The following SLX4 variants were observed in gnomAD, a reference collection of about 807,000 sequenced individuals.
SLX4 encodes SLX4 structure-specific endonuclease subunit.
Under a neutral mutation model 146.2 loss-of-function variants are expected in SLX4, and 112 were observed. The observed-to-expected ratio is 0.77, with a 90% CI of 0.66 to 0.90. SLX4 has a LOEUF of 0.90. SLX4 is among the 40% of genes least tolerant of loss of function. The pLI, the probability that SLX4 is intolerant of heterozygous loss-of-function variation, is 0.00. For missense variants in SLX4, 2,563 were observed against 2,392.7 expected, an observed-to-expected ratio of 1.07 and a Z score of -1.49; for synonymous variants, 1,061 against 997.7, an observed-to-expected ratio of 1.06 and a Z score of -1.20.
intron 4 of SLX4, chr16:3,601,522 C>T (rs2040727291): frequency 1.3e-5 from 5 of 397,280 alleles, no homozygotes; most frequent in South Asian, 1.1e-4. Context: ...GCTCTATCCA[C>T]AATCCCAAAG....
At position 3,583,325 on chromosome 16, in the gene SLX4, T is replaced by C. The variant is rs1193552186; in HGVS notation, c.4925A>G (p.His1642Arg). The C allele has an allele frequency of 1.2e-6, 2 of 1,613,936 alleles. No individual in the cohort carries two copies. Among genetic ancestry groups the C allele is most frequent in the Admixed American group, 1.7e-5 (1 of 59,976 alleles). ...QTYKPSRAGVHAQQEATTGPG... is the reference protein window; with the variant it reads ...QTYKPSRAGVRAQQEATTGPG... ...TCCTGTGGTGGCCTCCTGCTGGGCA[T>C]GGACCCCTGCCCTTGAAGGCTTGTA... is the stretch of plus-strand genomic sequence containing the variant. The change falls in exon 14 of 15, where the codon CAT (histidine) becomes CGT (arginine). Residue 1642 changes from histidine to arginine, a missense_variant. His to Arg is a conservative substitution (Grantham distance 29). Coordinates refer to ENST00000294008, the MANE Select transcript of SLX4 (RefSeq NM_032444.4).
At position 3,606,693 on chromosome 16, in the gene SLX4, C is replaced by T. The variant is rs768655551; in HGVS notation, c.541G>A (p.Val181Met). 3.7e-6 allele frequency: 6 copies of T among 1,614,138 alleles called. No individual in the cohort carries two copies. The highest frequency in any genetic ancestry group is 4.2e-6 in the Non-Finnish European group (5 of 1,180,036). ...GGAGGCTGGGAGTCGCTGTTGGGCA[C>T]ATTCTCTGGCAAGGAGGAAAATATT... ...NLSREKTREN[V>M]PNSDSQPPPS... The change falls in exon 3 of 15, where the codon GTG becomes ATG. Residue 181 changes from valine to methionine, a missense_variant. By Grantham distance (21) the Val-to-Met change is conservative. Transcript: ENST00000294008.
chr16:3,595,524 C>T (rs2040641348), intron 9 of SLX4, 81 bp downstream of exon 9: 2 of 1,504,982 alleles, frequency 1.3e-6, no homozygotes, highest in Admixed American at 1.7e-5. Flanking sequence ...GGGCCAGAGG[C>T]CAGCGGTGAG....
chr16:3,605,500 G>A (rs1197550659), intron 3 of SLX4, among the ~76,000 whole-genome samples: 1 of 151,620 alleles, frequency 6.6e-6, no homozygotes, highest in Non-Finnish European at 1.5e-5. Context: ...TGGGATTATA[G>A]GCATGAGCCA....
chr16:3,599,286 G>A (rs748862597), intron 5 of SLX4, among the ~76,000 whole-genome samples: 9 of 152,134 alleles, frequency 5.9e-5, no homozygotes, highest in South Asian at 4.1e-4. Context: ...AGCAGGGGGC[G>A]GGACAAACAG....
At chr16:3,599,822 G>A (rs1201324844) in intron 5 of SLX4, among the ~76,000 whole-genome samples, 1 of 152,174 alleles carries the variant, frequency 6.6e-6, no homozygotes. Flanking sequence ...CTGGGCTCAA[G>A]TGATCCTTCC....
At chr16:3,601,747 T>G (rs1567175795) in intron 4 of SLX4, 1 of 327,780 alleles carries the variant, frequency 3.1e-6, no homozygotes, top group East Asian at 7.8e-5. Context: ...CTGTGCAATT[T>G]CAGAATCGGC....
chr16:3,595,567 GC>G, intron 9 of SLX4, 37 bp downstream of exon 9: 1 of 1,609,648 alleles, frequency 6.2e-7, no homozygotes, highest in Non-Finnish European at 8.5e-7. Context: ...AAGTGGGATG[GC>G]CGGGACCAGA....
intron 12 of SLX4, 130 bp from the exon 13 acceptor site, chr16:3,585,001 C>CT: frequency 1.3e-6 from 1 of 754,854 alleles, no homozygotes; most frequent in Non-Finnish European, 2.4e-6. Flanking sequence ...TCCATGAAAG[C>CT]AACAGTGGTC....
chr16:3,608,388 C>A, intron 2 of SLX4, 42 bp downstream of exon 2: 1 of 1,610,894 alleles, frequency 6.2e-7, no homozygotes, highest in Middle Eastern at 1.7e-4. Context: ...TGGCCCTTTC[C>A]AGGAAGTTTT....
chr16:3,609,871 G>A (rs1430698791), intron 1 of SLX4, among the ~76,000 whole-genome samples: 1 of 152,206 alleles, frequency 6.6e-6, no homozygotes, highest in Non-Finnish European at 1.5e-5. Context: ...CACAGAAACA[G>A]GATGATCCCC....
chr16:3,589,001 C>T lies in SLX4; in HGVS notation c.4636+1G>A. Reference sequence around the variant, plus strand: ...CTTCCCCAGCTCTCCTGGCTACTCACTGGGTGTCTCTAACCCTTCGGGCTT... The same window carrying T: ...CTTCCCCAGCTCTCCTGGCTACTCATTGGGTGTCTCTAACCCTTCGGGCTT... On this transcript the variant is annotated splice_donor_variant, in intron 12 of 14. Coordinates refer to ENST00000294008, the MANE Select transcript of SLX4 (RefSeq NM_032444.4). LOFTEE classifies it high-confidence loss of function. The surrounding 1 kb of genome is among the most constrained non-coding windows in gnomAD (Gnocchi z 6.2). 1 of 1,614,054 alleles carries T rather than the reference C, an allele frequency of 6.2e-7. No individual in the cohort carries two copies. The highest frequency in any genetic ancestry group is 8.5e-7 in the Non-Finnish European group (1 of 1,180,036).
chr16:3,597,854 C>T lies in SLX4; in HGVS notation c.1309G>A (p.Ala437Thr), dbSNP rs1467615374. ...LSRSEMEPGA[A>T]VPALRLESAF... is the part of the protein sequence containing the mutation. ...CTTTCCAGCCTGAGCGCTGGTACAG[C>T]CGCACCCGGCTCCATCTCCGACCGG... Residue 437 changes from alanine to threonine, a missense_variant, in exon 6 of 15, where the codon GCT (alanine) becomes ACT (threonine). Coordinates refer to ENST00000294008, the MANE Select transcript of SLX4 (RefSeq NM_032444.4). This position sits in a 1 kb window ranked among gnomAD's most constrained non-coding sequence, Gnocchi z 4.4. 3 of 1,614,136 alleles carry T rather than the reference C, an allele frequency of 1.9e-6. No homozygotes were observed. Among genetic ancestry groups the T allele is most frequent in the Non-Finnish European group, 2.5e-6 (3 of 1,180,028 alleles).
intron 12 of SLX4, among the ~76,000 whole-genome samples, chr16:3,585,576 ACT>A (rs1207936131): frequency 8.2e-6 from 1 of 122,238 alleles, no homozygotes; most frequent in African/African-American, 3.5e-5. Context: ...ACAGAGCAAG[ACT>A]CTGTCTCAAA....
Position 3,602,129 on chromosome 16 carries a change from C to A in SLX4, c.939G>T (p.Gln313His). The A allele has an allele frequency of 6.2e-7, 1 of 1,614,172 alleles. No homozygotes were observed. Among genetic ancestry groups the A allele is most frequent in the South Asian group, 1.1e-5 (1 of 91,074 alleles). The change falls in exon 4 of 15, where the codon CAG (glutamine) becomes CAT (histidine). Residue 313 changes from glutamine to histidine, a missense_variant. Coordinates refer to ENST00000294008, the MANE Select transcript of SLX4 (RefSeq NM_032444.4). ...LSAMNVTRRE[Q>H]HVNRCLDEAE... ...CAAGCTGCCCCCACCTGTTCACATG[C>A]TGTTCCCTTCGGGTCACGTTCATGG...
Position 3,583,453 on chromosome 16 carries a change from G to T in SLX4, c.4797C>A (p.Phe1599Leu). The T allele has an allele frequency of 6.2e-7, 1 of 1,614,174 alleles. No homozygotes were observed. Among genetic ancestry groups the T allele is most frequent in the Non-Finnish European group, 8.5e-7 (1 of 1,180,048 alleles). Reference sequence around the variant, plus strand: ...AGTCCAGGGTCTGGTGAGTGTACTGGAATATCTCCTTCAGCTTCAGAACCA... The same window carrying T: ...AGTCCAGGGTCTGGTGAGTGTACTGTAATATCTCCTTCAGCTTCAGAACCA... ...RQMVLKLKEIFQYTHQTLDSD... is the reference protein window; with the variant it reads ...RQMVLKLKEILQYTHQTLDSD... The change falls in exon 14 of 15, where the codon TTC (phenylalanine) becomes TTA (leucine). Residue 1599 changes from phenylalanine (F) to leucine (L), a missense_variant. Coordinates refer to ENST00000294008, the MANE Select transcript of SLX4 (RefSeq NM_032444.4).
chr16:3,603,840 C>T (rs577142718), intron 3 of SLX4, among the ~76,000 whole-genome samples: 46 of 152,228 alleles, frequency 3.0e-4, no homozygotes, highest in Admixed American at 2.7e-3. Context: ...AGTGGGGCAA[C>T]CCAATGGTTA....
Position 3,606,689 on chromosome 16 carries a change from G to A in SLX4, c.545C>T (p.Pro182Leu). Residue 182 changes from proline to leucine, a missense_variant, in exon 3 of 15, where the codon CCC (proline) becomes CTC (leucine). Physicochemically the swap from Pro to Leu is moderately conservative, Grantham distance 98. Coordinates refer to ENST00000294008, the MANE Select transcript of SLX4 (RefSeq NM_032444.4). ...LSREKTRENV[P>L]NSDSQPPPSC... is the part of the protein sequence containing the mutation. ...AGGAGGAGGCTGGGAGTCGCTGTTG[G>A]GCACATTCTCTGGCAAGGAGGAAAA... 1 of 1,614,040 alleles carries A rather than the reference G, an allele frequency of 6.2e-7. No individual in the cohort carries two copies. The highest frequency in any genetic ancestry group is 1.3e-5 in the African/African-American group (1 of 75,024).
At chr16:3,611,273 C>T (rs1428552200) in intron 1 of SLX4, among the ~76,000 whole-genome samples, 2 of 152,228 alleles carry the variant, frequency 1.3e-5, no homozygotes, top group African/African-American at 4.8e-5. Context: ...ACTCTAACGG[C>T]TCTAAAGTCA....
Sources: gnomAD v4.1 joint callset for allele counts (sites outside exome capture counted in the v4.1 genomes callset) on GRCh38, gnomAD v4.1.1 for gene constraint, Gnocchi (gnomAD v3.1) non-coding constraint, MANE v1.5 for transcripts, NCBI Gene and HGNC (gene_info 2026-07-23, HGNC 2026-07-21) for gene names.